Variants in RADIL observed in about 807,000 individuals in gnomAD.
RADIL encodes Rap associating with DIL domain, also known as ras-associating and dilute domain-containing protein.
A neutral mutation model predicts 97.6 loss-of-function variants in RADIL; 99 were observed. The observed-to-expected ratio is 1.01, with a 90% CI of 0.86 to 1.20. The LOEUF (loss-of-function observed/expected upper bound fraction) is 1.20, where lower values mean the gene tolerates loss of function less well. RADIL is among the 50% of genes most tolerant of loss of function. The pLI is 0.00. For synonymous variants in RADIL, 803 were observed against 691.8 expected (o/e 1.16, Z -2.52); for missense variants, 1,765 against 1,498.9 (o/e 1.18, Z -2.93).
At chr7:4,816,894 G>A (rs1440561534) in intron 7 of RADIL, among the ~76,000 whole-genome samples, 2 of 152,176 alleles carry the variant, frequency 1.3e-5, no homozygotes, top group Non-Finnish European at 2.9e-5. Context: ...TGGCACCCGT[G>A]GGTCCAGGGT....
rs1784278189 is a variant in RADIL, at chr7:4,872,470, T to C, written c.535+5135A>G. On this transcript the variant is annotated intron_variant, in intron 2 of 14. Transcript: ENST00000399583. The surrounding 1 kb of genome is among the most constrained non-coding windows in gnomAD (Gnocchi z 5.8). ...CCTCCCCTCACCGTTCCCCAGCCCC[T>C]GACAAAAACCACATGGCCCTGTCAT... Among the ~76,000 whole-genome samples, 1 of 151,596 alleles carries C rather than the reference T, an allele frequency of 6.6e-6. No individual in the cohort carries two copies. The highest frequency in any genetic ancestry group is 2.4e-5 in the African/African-American group (1 of 41,224).
rs915171648 is a variant in RADIL, at chr7:4,873,328, C to T, written c.535+4277G>A. On this transcript the variant is annotated intron_variant, in intron 2 of 14. Coordinates refer to ENST00000399583, the MANE Select transcript of RADIL (RefSeq NM_018059.5). The surrounding 1 kb of genome is among the most constrained non-coding windows in gnomAD (Gnocchi z 4.3). ...GGCTGGACTCGTTAACACAAACGTA[C>T]ATGGTCACACATGCATGCACACACA... Among the ~76,000 whole-genome samples the T allele has an allele frequency of 3.9e-5, 6 of 152,214 alleles. No individual in the cohort carries two copies. Among genetic ancestry groups the T allele is most frequent in the Non-Finnish European group, 1.5e-5 (1 of 68,040 alleles).
intron 5 of RADIL, among the ~76,000 whole-genome samples, chr7:4,830,377 C>G (rs1783105918): frequency 6.6e-6 from 1 of 152,142 alleles, no homozygotes; most frequent in Admixed American, 6.5e-5. Context: ...TGTATCAGAT[C>G]AACCGAATGG....
chr7:4,820,368 G>A (rs1782797707), intron 6 of RADIL, among the ~76,000 whole-genome samples: 1 of 152,220 alleles, frequency 6.6e-6, no homozygotes, highest in South Asian at 2.1e-4. Context: ...ACCTTGCGTG[G>A]AGACTTAGGG....
In RADIL at chr7:4,872,698, G is replaced by T. The variant is rs1179316164; in HGVS notation, c.535+4907C>A. Among the ~76,000 whole-genome samples the T allele has an allele frequency of 2.0e-5, 3 of 152,142 alleles. No homozygotes were observed. Among genetic ancestry groups the T allele is most frequent in the African/African-American group, 7.2e-5 (3 of 41,442 alleles). On this transcript the variant is annotated intron_variant, in intron 2 of 14. Transcript: ENST00000399583. This position sits in a 1 kb window ranked among gnomAD's most constrained non-coding sequence, Gnocchi z 5.8. ...GACTCTGGAAATCAGGGGGAACCTGGTGGCTATGAGAAGGAGACATTTATG... is the reference window on the plus strand; with the variant it reads ...GACTCTGGAAATCAGGGGGAACCTGTTGGCTATGAGAAGGAGACATTTATG...
rs1782033590 is a variant in RADIL, at chr7:4,800,169, ACCATCCCGTCGATCAGGC to A, written c.2966_2982+1del. ...GTGCGGCGAGGGTCCTGGGCCACTC[ACCATCCCGTCGATCAGGC>A]CCATCCCCAGCCCGGAGGGGCCTCG... is the stretch of plus-strand genomic sequence containing the variant. On this transcript the variant is annotated splice_donor_variant and coding_sequence_variant, in exon 13 of 15. Coordinates refer to ENST00000399583, the MANE Select transcript of RADIL (RefSeq NM_018059.5). LOFTEE classifies it high-confidence loss of function. 3.1e-6 allele frequency: 5 copies of A among 1,605,158 alleles called. No individual in the cohort carries two copies. In the East Asian group the frequency reaches 6.7e-5, roughly 22 times the overall value.
chr7:4,809,878 C>A (rs929268901), intron 9 of RADIL, among the ~76,000 whole-genome samples: 2 of 151,662 alleles, frequency 1.3e-5, no homozygotes, highest in Non-Finnish European at 2.9e-5. Flanking sequence ...ATAGAGACAG[C>A]GTCTTGCTCT....
chr7:4,847,149 C>T lies in RADIL; in HGVS notation c.536-10544G>A, dbSNP rs139131010. On this transcript the variant is annotated intron_variant, in intron 2 of 14. Transcript: ENST00000399583. ...CAGCCTGTCCAAGATGGTAAAACCC[C>T]GTCTCTACTAAAGATACAAAAATTC... 4.5e-3 allele frequency among the ~76,000 whole-genome samples: 677 copies of T among 152,044 alleles called. 3 individuals carry two copies. The highest frequency in any genetic ancestry group is 0.015 in the African/African-American group (630 of 41,478).
rs1162351813 is a variant in RADIL at position 4,814,731 on chromosome 7, G to A, written c.2139+547C>T. Among the ~76,000 whole-genome samples, 1 of 152,176 alleles carries A rather than the reference G, an allele frequency of 6.6e-6. No homozygotes were observed. Among genetic ancestry groups the A allele is most frequent in the Admixed American group, 6.5e-5 (1 of 15,280 alleles). On this transcript the variant is annotated intron_variant, in intron 9 of 14. Coordinates refer to ENST00000399583, the MANE Select transcript of RADIL (RefSeq NM_018059.5). This position sits in a 1 kb window ranked among gnomAD's most constrained non-coding sequence, Gnocchi z 4.5. ...CTCACAGAGCTGACAGCAAGATGAA[G>A]CCCCCGGGGGAGGATCTGTCTCCCT...
chr7:4,882,489 T>C (rs1439196652), intron 1 of RADIL, among the ~76,000 whole-genome samples: 1 of 152,200 alleles, frequency 6.6e-6, no homozygotes, highest in Non-Finnish European at 1.5e-5. Context: ...GTCCAGTTTC[T>C]GATGAAAAAC....
Position 4,875,191 on chromosome 7 carries a change from C to CCAA in RADIL, c.535+2411_535+2413dup, listed in dbSNP as rs145735931. Among the ~76,000 whole-genome samples, 606 of 110,214 alleles carry CCAA rather than the reference C, an allele frequency of 5.5e-3. 24 individuals carry two copies. The highest frequency in any genetic ancestry group is 0.026 in the African/African-American group (490 of 18,954). 72.3% of individuals were successfully genotyped at this position (110,214 alleles called of 152,430 possible). ...TGGGCGACAGAGCGAGACTCCATCT[C>CCAA]CAACAACAACAACAACAACAACAAC... On this transcript the variant is annotated intron_variant, in intron 2 of 14. Coordinates refer to ENST00000399583, the MANE Select transcript of RADIL (RefSeq NM_018059.5).
At chr7:4,852,408 C>G (rs1312651330) in intron 2 of RADIL, among the ~76,000 whole-genome samples, 1 of 152,136 alleles carries the variant, frequency 6.6e-6, no homozygotes, top group Non-Finnish European at 1.5e-5. Flanking sequence ...TGCTTTGGGC[C>G]AGGCCAGTGG....
At chr7:4,816,958 C>T (rs1278630529) in intron 7 of RADIL, among the ~76,000 whole-genome samples, 1 of 152,170 alleles carries the variant, frequency 6.6e-6, no homozygotes, top group Non-Finnish European at 1.5e-5. Context: ...CCACCTCATC[C>T]CTGACCCTCG....
chr7:4,809,706 G>A (rs1363847165), intron 9 of RADIL: 2 of 896,626 alleles, frequency 2.2e-6, no homozygotes, highest in Non-Finnish European at 2.7e-6. Flanking sequence ...ATTTAGAGAC[G>A]GGGTTTCGCT....
At chr7:4,829,226 G>A (rs796696024) in intron 5 of RADIL, among the ~76,000 whole-genome samples, 1 of 152,222 alleles carries the variant, frequency 6.6e-6, no homozygotes, top group African/African-American at 2.4e-5. Context: ...ATGCTATCCG[G>A]GGCCTGGCTT....
chr7:4,832,254 C>A (rs1020980783), intron 4 of RADIL, 76 bp from the exon 5 acceptor site: 1 of 1,416,406 alleles, frequency 7.1e-7, no homozygotes, highest in Non-Finnish European at 9.8e-7. Flanking sequence ...TACACGATAC[C>A]ATCGACAGGA....
rs764021580 is a variant in RADIL at position 4,854,565 on chromosome 7, G to A, written c.536-17960C>T. 2.0e-5 allele frequency among the ~76,000 whole-genome samples: 3 copies of A among 152,080 alleles called. No individual in the cohort carries two copies. The highest frequency in any genetic ancestry group is 2.1e-4 in the South Asian group (1 of 4,820). On this transcript the variant is annotated intron_variant, in intron 2 of 14. Transcript: ENST00000399583. This position sits in a 1 kb window ranked among gnomAD's most constrained non-coding sequence, Gnocchi z 5.1. ...AAAAATTAGCTGGGTATGTTGGCGGGCGCCTGTAATCCCAGCTACTCGGAA... is the reference window on the plus strand; with the variant it reads ...AAAAATTAGCTGGGTATGTTGGCGGACGCCTGTAATCCCAGCTACTCGGAA...
chr7:4,851,954 G>A (rs550128139), intron 2 of RADIL, among the ~76,000 whole-genome samples: 2 of 152,206 alleles, frequency 1.3e-5, no homozygotes, highest in Non-Finnish European at 2.9e-5. Flanking sequence ...GAGTCAGGGT[G>A]TTCCTCATAT....
chr7:4,856,973 C>T (rs1176592837), intron 2 of RADIL, among the ~76,000 whole-genome samples: 4 of 152,246 alleles, frequency 2.6e-5, no homozygotes, highest in Non-Finnish European at 5.9e-5. Context: ...TATTTACTAT[C>T]TGGTCCTTAA....
Sources: gnomAD v4.1 joint callset for allele counts (sites outside exome capture counted in the v4.1 genomes callset) on GRCh38, gnomAD v4.1.1 for gene constraint, Gnocchi (gnomAD v3.1) non-coding constraint, MANE v1.5 for transcripts, NCBI Gene and HGNC (gene_info 2026-07-23, HGNC 2026-07-21) for gene names.